Variants in BACH2 observed in about 807,000 individuals in gnomAD.
BACH2 encodes the protein transcription regulator protein BACH2.
In BACH2, 5 loss-of-function variants were observed where a neutral mutation model predicts 61.8. That is an observed-to-expected ratio of 0.08 (90% CI 0.04 to 0.17). The LOEUF (loss-of-function observed/expected upper bound fraction) is 0.17, where lower values mean the gene tolerates loss of function less well. Among genes scored for constraint, BACH2 ranks in the 10% least tolerant of loss-of-function variants. The pLI is 1.00. For missense variants in BACH2, 824 were observed against 1,091.1 expected (o/e 0.76, Z 3.45); for synonymous variants, 446 against 440.1 (o/e 1.01, Z -0.17).
chr6:90,146,761 T>G (rs910608479), intron 4 of BACH2, among the ~76,000 whole-genome samples: 2 of 152,212 alleles, frequency 1.3e-5, no homozygotes, highest in Non-Finnish European at 2.9e-5. Flanking sequence ...TAAGATTTAC[T>G]AAAAGATAGG....
chr6:90,221,580 C>T (rs557935870), intron 3 of BACH2, among the ~76,000 whole-genome samples: 26 of 152,164 alleles, frequency 1.7e-4, no homozygotes, highest in East Asian at 1.5e-3. Flanking sequence ...CTACTTAAGA[C>T]GACACCTAAT....
chr6:90,087,362 C>T (rs1252844020), intron 5 of BACH2, among the ~76,000 whole-genome samples: 1 of 152,164 alleles, frequency 6.6e-6, no homozygotes, highest in Non-Finnish European at 1.5e-5. Flanking sequence ...CAGTATCACT[C>T]ATACTATTTT....
intron 5 of BACH2, among the ~76,000 whole-genome samples, chr6:90,056,973 G>C (rs1257235519): frequency 6.6e-6 from 1 of 152,148 alleles, no homozygotes; most frequent in Non-Finnish European, 1.5e-5. Context: ...ATTCAAAGCA[G>C]TGTGTAGAGG....
chr6:90,069,586 T>C (rs1469777884), intron 5 of BACH2, among the ~76,000 whole-genome samples: 2 of 152,118 alleles, frequency 1.3e-5, no homozygotes, highest in African/African-American at 4.8e-5. Flanking sequence ...GGGAAAATGT[T>C]AACGTAGAAA....
At chr6:90,236,516 G>A (rs886996031) in intron 3 of BACH2, among the ~76,000 whole-genome samples, 2 of 152,162 alleles carry the variant, frequency 1.3e-5, no homozygotes, top group Non-Finnish European at 2.9e-5. Context: ...AGAAGTCTTC[G>A]GAAGATTTTA....
At chr6:89,957,389 T>C (rs1351213731) in intron 6 of BACH2, among the ~76,000 whole-genome samples, 3 of 152,260 alleles carry the variant, frequency 2.0e-5, no homozygotes, top group African/African-American at 7.2e-5. Flanking sequence ...TATTTTAGTA[T>C]TAATTTTTAT....
intron 5 of BACH2, among the ~76,000 whole-genome samples, chr6:90,034,101 T>C (rs922676234): frequency 6.6e-6 from 1 of 152,146 alleles, no homozygotes; most frequent in East Asian, 1.9e-4. Flanking sequence ...GAAATGGCTG[T>C]TATTCTCTTT....
Position 90,245,375 on chromosome 6 carries a change from G to A in BACH2, c.-275+7138C>T, listed in dbSNP as rs1337494746. ...GGAGGCCAAGGCAGGAGGATCACTT[G>A]AGGCCAGGAGTTCAAGACCAGTCAG... On this transcript the variant is annotated intron_variant, in intron 3 of 8. Coordinates refer to ENST00000257749, the MANE Select transcript of BACH2 (RefSeq NM_021813.4). 2.6e-5 allele frequency among the ~76,000 whole-genome samples: 4 copies of A among 152,110 alleles called. No individual in the cohort carries two copies. The East Asian group carries it at 7.7e-4, about 29-fold the overall frequency.
At chr6:90,192,738 C>A (rs535701829) in intron 4 of BACH2, among the ~76,000 whole-genome samples, 1 of 152,296 alleles carries the variant, frequency 6.6e-6, no homozygotes, top group Non-Finnish European at 1.5e-5. Context: ...AAGTGATTAA[C>A]CCTAGTGTAA....
At chr6:90,052,999 T>G (rs996980526) in intron 5 of BACH2, among the ~76,000 whole-genome samples, 1 of 152,190 alleles carries the variant, frequency 6.6e-6, no homozygotes, top group African/African-American at 2.4e-5. Flanking sequence ...TCTTTCTTTT[T>G]TGATTTTTAA....
chr6:90,231,688 G>A (rs1770100440), intron 3 of BACH2, among the ~76,000 whole-genome samples: 1 of 152,160 alleles, frequency 6.6e-6, no homozygotes, highest in African/African-American at 2.4e-5. Flanking sequence ...AATGTCAGCT[G>A]CCAAACATAA....
chr6:90,050,975 T>C lies in BACH2; in HGVS notation c.-13+37986A>G, dbSNP rs545255330. ...TTAGTAGAGATGGGGTTTCACCATG[T>C]TGGCCAGGCTGGTCTTGAACTCCTG... On this transcript the variant is annotated intron_variant, in intron 5 of 8. Transcript: ENST00000257749. Among the ~76,000 whole-genome samples the C allele has an allele frequency of 2.6e-3, 392 of 152,252 alleles. 2 individuals carry two copies. The highest frequency in any genetic ancestry group is 4.5e-3 in the Non-Finnish European group (305 of 68,004).
At chr6:90,223,536 T>C (rs1311378559) in intron 3 of BACH2, among the ~76,000 whole-genome samples, 1 of 152,116 alleles carries the variant, frequency 6.6e-6, no homozygotes. Context: ...TGGCGTGATC[T>C]CAGCTCACTG....
At chr6:90,063,974 A>C (rs931919197) in intron 5 of BACH2, among the ~76,000 whole-genome samples, 1 of 152,182 alleles carries the variant, frequency 6.6e-6, no homozygotes, top group Non-Finnish European at 1.5e-5. Flanking sequence ...GCCTCTTAGA[A>C]ATATGGCAAA....
intron 4 of BACH2, among the ~76,000 whole-genome samples, chr6:90,190,643 G>A (rs1410147225): frequency 6.6e-6 from 1 of 152,236 alleles, no homozygotes; most frequent in Non-Finnish European, 1.5e-5. Flanking sequence ...AGTCCCTACA[G>A]ACTTCAAAGA....
chr6:90,081,920 C>T (rs916187341), intron 5 of BACH2, among the ~76,000 whole-genome samples: 3 of 152,018 alleles, frequency 2.0e-5, no homozygotes, highest in African/African-American at 7.3e-5. Flanking sequence ...TAGTACTCTC[C>T]AAAGGGAAGC....
chr6:90,128,984 T>C (rs1783985645), intron 4 of BACH2, among the ~76,000 whole-genome samples: 1 of 152,068 alleles, frequency 6.6e-6, no homozygotes, highest in Non-Finnish European at 1.5e-5. Context: ...ACACCGCATG[T>C]TCTCACTCAT....
intron 1 of BACH2, among the ~76,000 whole-genome samples, chr6:90,293,862 GT>G (rs1772256349): frequency 6.6e-6 from 1 of 152,192 alleles, no homozygotes; most frequent in African/African-American, 2.4e-5. Flanking sequence ...TTTCAAGGCA[GT>G]TTGCAAATAA....
chr6:90,295,809 G>C (rs1772341252), intron 1 of BACH2, among the ~76,000 whole-genome samples: 1 of 152,288 alleles, frequency 6.6e-6, no homozygotes. Context: ...CGCTAGGAGA[G>C]ATTCGATCCA....
Sources: allele counts gnomAD v4.1 joint callset (sites outside exome capture counted in the v4.1 genomes callset), GRCh38; gene constraint gnomAD v4.1.1; transcripts MANE v1.5; gene names NCBI Gene and HGNC (gene_info 2026-07-23, HGNC 2026-07-21).